RYR3: variants seen among roughly 807,000 people sequenced by gnomAD.
The protein encoded by RYR3 is ryanodine receptor 3.
In RYR3, 207 loss-of-function variants were observed where a neutral mutation model predicts 584.3. That is an observed-to-expected ratio of 0.35 (90% CI 0.32 to 0.40). The LOEUF is 0.40. Among genes scored for constraint, RYR3 ranks in the 10% least tolerant of loss-of-function variants. RYR3 has a pLI of 1.00. For missense variants in RYR3, 5,616 were observed against 6,089.2 expected (o/e 0.92, Z 2.59); for synonymous variants, 2,416 against 2,248.5 (o/e 1.07, Z -2.11).
chr15:33,570,072 T>C (rs2057940505), intron 12 of RYR3, among the ~76,000 whole-genome samples: 1 of 152,120 alleles, frequency 6.6e-6, no homozygotes, highest in Admixed American at 6.5e-5. Context: ...AGCACAAACG[T>C]TTTAATTTTT....
chr15:33,690,786 T>A (rs1440415990), intron 38 of RYR3, among the ~76,000 whole-genome samples: 1 of 152,200 alleles, frequency 6.6e-6, no homozygotes, highest in East Asian at 1.9e-4. Context: ...AGCTTTAGTT[T>A]ATGTGGATTA....
chr15:33,478,047 C>A (rs2049582924), intron 2 of RYR3, among the ~76,000 whole-genome samples: 1 of 151,650 alleles, frequency 6.6e-6, no homozygotes, highest in African/African-American at 2.4e-5. Flanking sequence ...TAATACTTTC[C>A]CTCTGGTCCT....
chr15:33,634,401 A>G (rs2061407997), intron 24 of RYR3, among the ~76,000 whole-genome samples, 185 bp from the exon 25 acceptor site: 1 of 152,178 alleles, frequency 6.6e-6, no homozygotes. Context: ...GTTTCCATTT[A>G]TACTCATTTA....
Position 33,773,624 on chromosome 15 carries a change from T to A in RYR3, c.9137+9T>A, listed in dbSNP as rs2073776767. ...AACATTTATGTTGAAAGGTAATTAGTGAACGAAGAGGCTAACACTTTCAGG... is the reference window on the plus strand; with the variant it reads ...AACATTTATGTTGAAAGGTAATTAGAGAACGAAGAGGCTAACACTTTCAGG... On this transcript the variant is annotated intron_variant, in intron 64 of 103. Coordinates refer to ENST00000634891, the MANE Select transcript of RYR3 (RefSeq NM_001036.6). The A allele has an allele frequency of 3.8e-6, 6 of 1,563,066 alleles. No homozygotes were observed. Among genetic ancestry groups the A allele is most frequent in the Non-Finnish European group, 3.5e-6 (4 of 1,140,172 alleles).
At chr15:33,351,345 G>A (rs1259425424) in intron 1 of RYR3, among the ~76,000 whole-genome samples, 7 of 152,160 alleles carry the variant, frequency 4.6e-5, no homozygotes, top group Admixed American at 1.3e-4. Context: ...GGAGGAACTG[G>A]TACCATTCCT....
At chr15:33,352,083 CA>C (rs1461616330) in intron 1 of RYR3, among the ~76,000 whole-genome samples, 1 of 152,150 alleles carries the variant, frequency 6.6e-6, no homozygotes, top group Non-Finnish European at 1.5e-5. Context: ...AATCAATGCA[CA>C]AAAATCACAA....
rs199664160 is a variant in RYR3 at position 33,376,079 on chromosome 15, T to C, written c.51+64983T>C. 3.9e-5 allele frequency among the ~76,000 whole-genome samples: 6 copies of C among 152,194 alleles called. No homozygotes were observed. The East Asian group carries it at 9.7e-4, about 24-fold the overall frequency. ...ACTCCATCTCAAAAAACAAAAGATA[T>C]AGAACATTTCTGTAAACCCAAGTTT... is the stretch of plus-strand genomic sequence containing the variant. On this transcript the variant is annotated intron_variant, in intron 1 of 103. Transcript: ENST00000634891.
intron 7 of RYR3, 36 bp downstream of exon 7, chr15:33,540,926 C>CCT: frequency 7.5e-7 from 1 of 1,340,566 alleles, no homozygotes; most frequent in Non-Finnish European, 1.1e-6. Flanking sequence ...CCTGAGCCTG[C>CCT]CTATCTCTCT....
chr15:33,588,527 C>T (rs1317326002), intron 16 of RYR3, among the ~76,000 whole-genome samples: 2 of 152,034 alleles, frequency 1.3e-5, no homozygotes, highest in African/African-American at 4.8e-5. Context: ...TTGTGTAGTG[C>T]TGATGTCTGG....
chr15:33,518,935 T>C (rs1160994455), intron 3 of RYR3, among the ~76,000 whole-genome samples: 1 of 152,180 alleles, frequency 6.6e-6, no homozygotes, highest in African/African-American at 2.4e-5. Flanking sequence ...ACCCTTAAGT[T>C]CTGGGGGTCT....
chr15:33,408,271 T>G (rs1236034936), intron 1 of RYR3, among the ~76,000 whole-genome samples: 1 of 152,226 alleles, frequency 6.6e-6, no homozygotes, highest in East Asian at 1.9e-4. Flanking sequence ...TTTCTGTTTC[T>G]GTGTTAATTT....
At chr15:33,405,558 T>A (rs1031358695) in intron 1 of RYR3, among the ~76,000 whole-genome samples, 3 of 152,232 alleles carry the variant, frequency 2.0e-5, no homozygotes, top group Admixed American at 2.0e-4. Context: ...GTTCAATAAA[T>A]ACTTTTTTAA....
intron 1 of RYR3, among the ~76,000 whole-genome samples, chr15:33,334,727 C>T (rs368375243): frequency 2.0e-4 from 30 of 152,164 alleles, no homozygotes; most frequent in African/African-American, 7.0e-4. Context: ...AAACTATCAA[C>T]AGAGTAAACA....
At chr15:33,401,618 T>C (rs2042675201) in intron 1 of RYR3, among the ~76,000 whole-genome samples, 1 of 152,186 alleles carries the variant, frequency 6.6e-6, no homozygotes, top group Non-Finnish European at 1.5e-5. Flanking sequence ...AAACAGTATG[T>C]GAACATGACA....
At chr15:33,863,967 T>G (rs1889483800) in intron 102 of RYR3, among the ~76,000 whole-genome samples, 171 bp from the exon 103 acceptor site, 1 of 152,224 alleles carries the variant, frequency 6.6e-6, no homozygotes, top group African/African-American at 2.4e-5. Context: ...TCATGTGTGC[T>G]ACTATTAGAA....
intron 59 of RYR3, among the ~76,000 whole-genome samples, 193 bp from the exon 60 acceptor site, chr15:33,757,282 C>A (rs1023154278): frequency 6.6e-6 from 1 of 152,052 alleles, no homozygotes; most frequent in African/African-American, 2.4e-5. Context: ...TTTCACATGC[C>A]CTTAAGGACT....
chr15:33,319,794 G>T (rs1968702402), intron 1 of RYR3, among the ~76,000 whole-genome samples: 1 of 152,152 alleles, frequency 6.6e-6, no homozygotes, highest in African/African-American at 2.4e-5. Context: ...GGAGAGAGTA[G>T]CTTGGAATAA....
At chr15:33,434,340 T>G (rs1245191020) in intron 1 of RYR3, among the ~76,000 whole-genome samples, 2 of 152,312 alleles carry the variant, frequency 1.3e-5, no homozygotes, top group African/African-American at 4.8e-5. Context: ...GTGGGTCCTG[T>G]GCTTATAGTT....
chr15:33,714,327 T>G (rs2067331871), intron 43 of RYR3, among the ~76,000 whole-genome samples: 1 of 152,238 alleles, frequency 6.6e-6, no homozygotes, highest in East Asian at 1.9e-4. Context: ...CTTTCTAACA[T>G]TAATTTACTA....
Sources: allele counts gnomAD v4.1 joint callset (sites outside exome capture counted in the v4.1 genomes callset), GRCh38; gene constraint gnomAD v4.1.1; transcripts MANE v1.5; gene names NCBI Gene and HGNC (gene_info 2026-07-23, HGNC 2026-07-21).